CDH13: variants seen among roughly 807,000 people sequenced by gnomAD.
The protein encoded by CDH13 is cadherin 13, also known as cadherin-13.
In CDH13, 24 loss-of-function variants were observed where a neutral mutation model predicts 63.8. The observed-to-expected ratio is 0.38, with a 90% confidence interval of 0.27 to 0.53. CDH13 has a LOEUF of 0.53. Ranked by LOEUF, CDH13 falls within the 20% of genes least tolerant of loss-of-function variation. The pLI is 0.85. For missense variants in CDH13, 1,049 were observed against 903.1 expected (o/e 1.16, Z -2.07); for synonymous variants, 503 against 355.3 (o/e 1.42, Z -4.67).
chr16:82,972,577 C>T (rs150859284), intron 2 of CDH13, among the ~76,000 whole-genome samples: 2 of 152,308 alleles, frequency 1.3e-5, no homozygotes, highest in African/African-American at 4.8e-5. Flanking sequence ...AGTAACAGCA[C>T]TTCCATCCTA....
At chr16:82,627,927 G>C (rs762265336) in intron 1 of CDH13, among the ~76,000 whole-genome samples, 3 of 152,244 alleles carry the variant, frequency 2.0e-5, no homozygotes, top group Non-Finnish European at 4.4e-5. Flanking sequence ...GCAGAGAAAA[G>C]TTCAAGCCTT....
chr16:82,685,122 G>A (rs1174986649), intron 1 of CDH13, among the ~76,000 whole-genome samples: 1 of 151,980 alleles, frequency 6.6e-6, no homozygotes, highest in Admixed American at 6.5e-5. Context: ...CCAATGAGGG[G>A]AAAAAATACT....
At chr16:83,311,799 G>T (rs1415578668) in intron 5 of CDH13, among the ~76,000 whole-genome samples, 3 of 152,210 alleles carry the variant, frequency 2.0e-5, no homozygotes, top group Non-Finnish European at 2.9e-5. Context: ...ACCTTGCCAG[G>T]TGCAGTGGCT....
intron 13 of CDH13, among the ~76,000 whole-genome samples, chr16:83,790,650 G>T (rs1212915330): frequency 6.6e-6 from 1 of 152,096 alleles, no homozygotes; most frequent in African/African-American, 2.4e-5. Context: ...TGATCCGCCC[G>T]CCTCGGCCTC....
chr16:83,652,243 A>T (rs1045300426), intron 8 of CDH13, among the ~76,000 whole-genome samples: 1 of 152,244 alleles, frequency 6.6e-6, no homozygotes, highest in Non-Finnish European at 1.5e-5. Flanking sequence ...TTAAATGCAA[A>T]TTAGAAGCTG....
At chr16:83,230,411 C>G (rs1019354265) in intron 5 of CDH13, among the ~76,000 whole-genome samples, 1 of 152,128 alleles carries the variant, frequency 6.6e-6, no homozygotes, top group African/African-American at 2.4e-5. Flanking sequence ...GGAAGAAGTT[C>G]TAGATCATAC....
chr16:82,882,672 C>G (rs1378842668), intron 2 of CDH13, among the ~76,000 whole-genome samples: 1 of 151,922 alleles, frequency 6.6e-6, no homozygotes, highest in East Asian at 1.9e-4. Flanking sequence ...CTTTTTCCCT[C>G]TCTCTCTCCC....
intron 4 of CDH13, among the ~76,000 whole-genome samples, chr16:83,208,876 C>A (rs1470026897): frequency 6.6e-6 from 1 of 152,172 alleles, no homozygotes; most frequent in South Asian, 2.1e-4. Flanking sequence ...TATCTAGAAG[C>A]TGCCTTGCCT....
intron 3 of CDH13, among the ~76,000 whole-genome samples, chr16:83,109,636 A>G (rs9932357): frequency 0.1 from 15,352 of 152,168 alleles, 889 homozygotes; most frequent in African/African-American, 0.15. Flanking sequence ...GTGTGCTCAC[A>G]TCTGGAATAC....
chr16:82,789,255 T>C (rs2036171263), intron 1 of CDH13, among the ~76,000 whole-genome samples: 1 of 152,210 alleles, frequency 6.6e-6, no homozygotes, highest in Non-Finnish European at 1.5e-5. Flanking sequence ...GAGTAGGTGT[T>C]CCTCAGGTTA....
chr16:83,394,562 T>G (rs2091849485), intron 6 of CDH13, among the ~76,000 whole-genome samples: 1 of 152,036 alleles, frequency 6.6e-6, no homozygotes, highest in African/African-American at 2.4e-5. Flanking sequence ...TGTGCAGGCG[T>G]AGTAAAGAAC....
chr16:82,990,329 A>C (rs1339154695), intron 2 of CDH13: 1 of 152,192 alleles, frequency 6.6e-6, no homozygotes, highest in Non-Finnish European at 1.5e-5. Flanking sequence ...GGAATGACTC[A>C]GGAGTGAGGA....
chr16:83,133,794 C>T (rs567619759), intron 4 of CDH13, among the ~76,000 whole-genome samples: 11 of 152,254 alleles, frequency 7.2e-5, no homozygotes, highest in South Asian at 2.1e-4. Context: ...CCACTGAGCC[C>T]GGCCCATGGA....
At chr16:83,737,774 A>G (rs909188331) in intron 10 of CDH13, among the ~76,000 whole-genome samples, 2 of 152,196 alleles carry the variant, frequency 1.3e-5, no homozygotes, top group African/African-American at 4.8e-5. Context: ...GGCACAAACA[A>G]ATGCCCAACC....
At chr16:83,659,733 C>T (rs1423814950) in intron 8 of CDH13, among the ~76,000 whole-genome samples, 1 of 150,566 alleles carries the variant, frequency 6.6e-6, no homozygotes, top group Non-Finnish European at 1.5e-5. Flanking sequence ...ACTCAGAGAT[C>T]TTGCAGAATT....
At chr16:83,522,322 G>C (rs2074857957) in intron 7 of CDH13, among the ~76,000 whole-genome samples, 1 of 152,184 alleles carries the variant, frequency 6.6e-6, no homozygotes, top group South Asian at 2.1e-4. Flanking sequence ...TCACTTGATG[G>C]AGTGTATACG....
chr16:82,685,489 G>A (rs569892205), intron 1 of CDH13, among the ~76,000 whole-genome samples: 2 of 152,314 alleles, frequency 1.3e-5, no homozygotes, highest in African/African-American at 2.4e-5. Context: ...ATGTTGGGGG[G>A]AATAAATCTT....
At chr16:83,394,016 T>G (rs1464134157) in intron 6 of CDH13, among the ~76,000 whole-genome samples, 1 of 152,166 alleles carries the variant, frequency 6.6e-6, no homozygotes, top group Admixed American at 6.5e-5. Flanking sequence ...AAATACCGCC[T>G]GTTCTCGTAA....
intron 1 of CDH13, among the ~76,000 whole-genome samples, chr16:82,716,873 C>G (rs1020431797): frequency 6.6e-6 from 1 of 151,856 alleles, no homozygotes; most frequent in Non-Finnish European, 1.5e-5. Context: ...AAGCCTTACA[C>G]GGGTCCGTCG....
Sources: gnomAD v4.1 joint callset for allele counts (sites outside exome capture counted in the v4.1 genomes callset) on GRCh38, gnomAD v4.1.1 for gene constraint, MANE v1.5 for transcripts, NCBI Gene and HGNC (gene_info 2026-07-23, HGNC 2026-07-21) for gene names.